LRRC3: variants seen among roughly 807,000 people sequenced by gnomAD.
LRRC3 encodes leucine rich repeat containing 3, also known as leucine-rich repeat-containing protein 3.
For missense variants in LRRC3, 351 were observed against 361.6 expected (o/e 0.97, Z 0.24); for synonymous variants, 172 against 164.1 (o/e 1.05, Z -0.37).
In LRRC3 at chr21:44,457,086, C is replaced by T; in HGVS notation, c.442C>T (p.His148Tyr). 6.2e-7 allele frequency: 1 copy of T among 1,610,292 alleles called. No individual in the cohort carries two copies. Among genetic ancestry groups the T allele is most frequent in the Non-Finnish European group, 8.5e-7 (1 of 1,179,946 alleles). ...AKIRLSHNPL[H>Y]CECALQEALW... ...GATACGCCTGTCCCACAACCCCCTG[C>T]ACTGCGAGTGCGCCCTGCAGGAGGC... is the stretch of plus-strand genomic sequence containing the variant. The change falls in exon 2 of 2, where the codon CAC (histidine) becomes TAC (tyrosine). Residue 148 changes from histidine (H) to tyrosine (Y), a missense_variant. Physicochemically the swap from His to Tyr is moderately conservative, Grantham distance 83. Transcript: ENST00000291592.
At position 44,461,855 on chromosome 21, in the gene LRRC3, C is replaced by T. The variant is rs2051748802; in HGVS notation, c.*4437C>T. The T allele has an allele frequency of 6.6e-6, 1 of 152,562 alleles. No homozygotes were observed. The highest frequency in any genetic ancestry group is 2.1e-4 in the South Asian group (1 of 4,834). 9.5% of individuals were successfully genotyped at this position (152,562 alleles called of 1,614,324 possible). A position where few individuals can be genotyped will look rare whatever the true frequency, so the allele number is the denominator to read the frequency against. On this transcript the variant is annotated 3_prime_UTR_variant, in exon 2 of 2. Coordinates refer to ENST00000291592, the MANE Select transcript of LRRC3 (RefSeq NM_030891.6). ...GTCCATGGCTGGGAGGCAGCTGGCC[C>T]CACAGCACATAGCACGGAGGGCGGC...
Position 44,455,542 on chromosome 21 carries a change from G to GCGCGGT in LRRC3, c.-257_-252dup, listed in dbSNP as rs1407469492. The GCGCGGT allele has an allele frequency of 6.6e-6, 1 of 151,640 alleles. No homozygotes were observed. The highest frequency in any genetic ancestry group is 1.5e-5 in the Non-Finnish European group (1 of 67,830). 9.4% of individuals were successfully genotyped at this position (151,640 alleles called of 1,614,324 possible). ...CGGCCTCCCCAGCTAGTGGTCGCGG[G>GCGCGGT]CGCGGTCGCAGGGGCAGCGGGGTGG... On this transcript the variant is annotated 5_prime_UTR_variant, in exon 1 of 2. Transcript: ENST00000291592.
rs960367742 is a variant in LRRC3 at position 44,455,523 on chromosome 21, C to A, written c.-280C>A. The A allele has an allele frequency of 2.0e-5, 3 of 151,572 alleles. No homozygotes were observed. The highest frequency in any genetic ancestry group is 4.8e-5 in the African/African-American group (2 of 41,328). 9.4% of individuals were successfully genotyped at this position (151,572 alleles called of 1,614,324 possible). On this transcript the variant is annotated 5_prime_UTR_variant, in exon 1 of 2. Transcript: ENST00000291592. ...CCCGCGCAGGCCGGAGTCGCGGCCT[C>A]CCCAGCTAGTGGTCGCGGGCGCGGT...
rs935412443 is a variant in LRRC3 at position 44,457,694 on chromosome 21, C to T, written c.*276C>T. 22 of 474,934 alleles carry T rather than the reference C, an allele frequency of 4.6e-5. No individual in the cohort carries two copies. Among genetic ancestry groups the T allele is most frequent in the Non-Finnish European group, 8.5e-5 (22 of 257,724 alleles). The allele number at this position is 474,934 out of a possible 1,614,324, so 29.4% of individuals were successfully genotyped here. On this transcript the variant is annotated 3_prime_UTR_variant, in exon 2 of 2. Transcript: ENST00000291592. ...CTTCAACCCGGGCTGTCCATCGTGA[C>T]ATTCCGCCTCCTTCCACCATGCCAG...
At chr21:44,456,148 G>T (rs896225179) in intron 1 of LRRC3, among the ~76,000 whole-genome samples, 1 of 152,138 alleles carries the variant, frequency 6.6e-6, no homozygotes, top group Non-Finnish European at 1.5e-5. Flanking sequence ...CCACCCTGAG[G>T]AGGGAGGGGC....
chr21:44,456,760 G>T lies in LRRC3; in HGVS notation c.116G>T (p.Cys39Phe). ...GCCGCCTGCCCACAGCCCTGCCGGT[G>T]CCCTGACCACGCAGGGGCTGTGGCT... ...LGAACPQPCR[C>F]PDHAGAVAVF... The change falls in exon 2 of 2, where the codon TGC (cysteine) becomes TTC (phenylalanine). Residue 39 changes from cysteine to phenylalanine, a missense_variant. Coordinates refer to ENST00000291592, the MANE Select transcript of LRRC3 (RefSeq NM_030891.6). 6.2e-7 allele frequency: 1 copy of T among 1,610,470 alleles called. No homozygotes were observed. Among genetic ancestry groups the T allele is most frequent in the Non-Finnish European group, 8.5e-7 (1 of 1,179,886 alleles).
chr21:44,456,462 C>T (rs2051700439), intron 1 of LRRC3, 36 bp from the exon 2 acceptor site: 2 of 658,392 alleles, frequency 3.0e-6, no homozygotes, highest in East Asian at 5.6e-5. Context: ...ACCACCCTCC[C>T]TCCCTCTCCG....
chr21:44,455,830 C>T (rs2051694821), intron 1 of LRRC3, among the ~76,000 whole-genome samples, 175 bp downstream of exon 1: 1 of 151,948 alleles, frequency 6.6e-6, no homozygotes, highest in Non-Finnish European at 1.5e-5. Flanking sequence ...CGCGCGCGGC[C>T]CCGCCGTCCA....
In LRRC3 at chr21:44,457,386, G is replaced by C. The variant is rs75162911; in HGVS notation, c.742G>C (p.Ala248Pro). The C allele has an allele frequency of 8.1e-6, 13 of 1,600,216 alleles. No individual in the cohort carries two copies. In the African/African-American group the frequency reaches 1.6e-4, roughly 20 times the overall value. Residue 248 changes from alanine (A) to proline (P), a missense_variant, in exon 2 of 2, where the codon GCC becomes CCC. Physicochemically the swap from Ala to Pro is conservative, Grantham distance 27. Coordinates refer to ENST00000291592, the MANE Select transcript of LRRC3 (RefSeq NM_030891.6). ...CCTGAAGTCTCTGCCCAGCGCCCCC[G>C]CCTCCAAGGACCCCATCGGCCCGGG... ...EYLKSLPSAP[A>P]SKDPIGPGP
chr21:44,456,960 G>A lies in LRRC3; in HGVS notation c.316G>A (p.Ala106Thr), dbSNP rs1311137301. 7 of 1,608,074 alleles carry A rather than the reference G, an allele frequency of 4.4e-6. No individual in the cohort carries two copies. The East Asian group carries it at 1.1e-4, about 26-fold the overall frequency. ...CAACGCCATCGAGGCCATCGGCTCC[G>A]CCACCTTCGCGGGCCTGGCCGGGGG... is the stretch of plus-strand genomic sequence containing the variant. ...SHNAIEAIGS[A>T]TFAGLAGGLR... The change falls in exon 2 of 2, where the codon GCC (alanine) becomes ACC (threonine). Residue 106 changes from alanine (A) to threonine (T), a missense_variant. Coordinates refer to ENST00000291592, the MANE Select transcript of LRRC3 (RefSeq NM_030891.6).
At position 44,456,585 on chromosome 21, in the gene LRRC3, C is replaced by G; in HGVS notation, c.-60C>G. The G allele has an allele frequency of 6.6e-7, 1 of 1,506,804 alleles. No homozygotes were observed. The highest frequency in any genetic ancestry group is 2.3e-5 in the East Asian group (1 of 43,922). The allele number at this position is 1,506,804 out of a possible 1,614,324, so 93.3% of individuals were successfully genotyped here. On this transcript the variant is annotated 5_prime_UTR_variant, in exon 2 of 2. Coordinates refer to ENST00000291592, the MANE Select transcript of LRRC3 (RefSeq NM_030891.6). ...TGGATAAGGCCTTGCCTGCGGAAAC[C>G]AGCTCCATCCCCAGGCCCTAGCAGA... is the stretch of plus-strand genomic sequence containing the variant.
Position 44,457,030 on chromosome 21 carries a change from C to A in LRRC3, c.386C>A (p.Pro129His). The change falls in exon 2 of 2, where the codon CCC becomes CAC. Residue 129 changes from proline to histidine, a missense_variant. Physicochemically the swap from Pro to His is moderately conservative, Grantham distance 77. Coordinates refer to ENST00000291592, the MANE Select transcript of LRRC3 (RefSeq NM_030891.6). ...DLSYNRIQRI[P>H]KDALGKLSAK... ...TCTTACAACCGCATCCAGAGGATCCCCAAGGACGCCCTGGGCAAACTCAGC... is the reference window on the plus strand; with the variant it reads ...TCTTACAACCGCATCCAGAGGATCCACAAGGACGCCCTGGGCAAACTCAGC... The A allele has an allele frequency of 6.2e-7, 1 of 1,605,808 alleles. No individual in the cohort carries two copies. The highest frequency in any genetic ancestry group is 1.3e-5 in the African/African-American group (1 of 75,052).
In LRRC3 at chr21:44,457,689, C is replaced by T. The variant is rs901464451; in HGVS notation, c.*271C>T. The stretch of plus-strand genomic sequence containing the variant: ...TGGAACTTCAACCCGGGCTGTCCAT[C>T]GTGACATTCCGCCTCCTTCCACCAT... On this transcript the variant is annotated 3_prime_UTR_variant, in exon 2 of 2. Coordinates refer to ENST00000291592, the MANE Select transcript of LRRC3 (RefSeq NM_030891.6). 5.0e-5 allele frequency: 24 copies of T among 484,830 alleles called. No homozygotes were observed. The highest frequency in any genetic ancestry group is 1.6e-4 in the African/African-American group (8 of 50,448). 30.0% of individuals were successfully genotyped at this position (484,830 alleles called of 1,614,324 possible).
rs2051707122 is a variant in LRRC3, at chr21:44,456,939, G to A, written c.295G>A (p.Ala99Thr). Reference protein sequence around the residue: ...RLRELDLSHNAIEAIGSATFA... With the variant: ...RLRELDLSHNTIEAIGSATFA... ...CAGGGAGCTGGATCTGTCTCACAAC[G>A]CCATCGAGGCCATCGGCTCCGCCAC... The change falls in exon 2 of 2, where the codon GCC becomes ACC. Residue 99 changes from alanine (A) to threonine (T), a missense_variant. Ala to Thr is a moderately conservative substitution (Grantham distance 58). Coordinates refer to ENST00000291592, the MANE Select transcript of LRRC3 (RefSeq NM_030891.6). The A allele has an allele frequency of 1.9e-6, 3 of 1,609,276 alleles. No homozygotes were observed. The highest frequency in any genetic ancestry group is 2.2e-5 in the East Asian group (1 of 44,876).
rs908162822 is a variant in LRRC3 at position 44,456,964 on chromosome 21, C to A, written c.320C>A (p.Thr107Asn). Residue 107 changes from threonine to asparagine, a missense_variant, in exon 2 of 2, where the codon ACC becomes AAC. Thr to Asn is a moderately conservative substitution (Grantham distance 65). Coordinates refer to ENST00000291592, the MANE Select transcript of LRRC3 (RefSeq NM_030891.6). Reference protein sequence around the residue: ...HNAIEAIGSATFAGLAGGLRL... With the variant: ...HNAIEAIGSANFAGLAGGLRL... ...GCCATCGAGGCCATCGGCTCCGCCA[C>A]CTTCGCGGGCCTGGCCGGGGGCCTG... The A allele has an allele frequency of 3.1e-6, 5 of 1,607,948 alleles. No homozygotes were observed. The highest frequency in any genetic ancestry group is 4.2e-6 in the Non-Finnish European group (5 of 1,179,898).
chr21:44,457,392 A>G lies in LRRC3; in HGVS notation c.748A>G (p.Lys250Glu). 1 of 1,597,800 alleles carries G rather than the reference A, an allele frequency of 6.3e-7. No individual in the cohort carries two copies. The highest frequency in any genetic ancestry group is 8.6e-7 in the Non-Finnish European group (1 of 1,168,398). The change falls in exon 2 of 2, where the codon AAG (lysine) becomes GAG (glutamate). Residue 250 changes from lysine (K) to glutamate (E), a missense_variant. Coordinates refer to ENST00000291592, the MANE Select transcript of LRRC3 (RefSeq NM_030891.6). Reference protein sequence around the residue: ...LKSLPSAPASKDPIGPGP With the variant: ...LKSLPSAPASEDPIGPGP ...GTCTCTGCCCAGCGCCCCCGCCTCC[A>G]AGGACCCCATCGGCCCGGGGCCCTA...
Position 44,457,505 on chromosome 21 carries a change from A to T in LRRC3, c.*87A>T. 1 of 1,416,632 alleles carries T rather than the reference A, an allele frequency of 7.1e-7. No individual in the cohort carries two copies. The highest frequency in any genetic ancestry group is 1.4e-5 in the African/African-American group (1 of 69,842). 87.8% of individuals were successfully genotyped at this position (1,416,632 alleles called of 1,614,324 possible). A position where few individuals can be genotyped will look rare whatever the true frequency, so the allele number is the denominator to read the frequency against. On this transcript the variant is annotated 3_prime_UTR_variant, in exon 2 of 2. Coordinates refer to ENST00000291592, the MANE Select transcript of LRRC3 (RefSeq NM_030891.6). Reference sequence around the variant, plus strand: ...TGCTGCTTTTGCTCTTCCCTGAGGCAGGTGTCACAGCCATGTGTGCTCCCC... The same window carrying T: ...TGCTGCTTTTGCTCTTCCCTGAGGCTGGTGTCACAGCCATGTGTGCTCCCC...
rs1412198700 is a variant in LRRC3 at position 44,457,390 on chromosome 21, C to T, written c.746C>T (p.Ser249Phe). The change falls in exon 2 of 2, where the codon TCC (serine) becomes TTC (phenylalanine). Residue 249 changes from serine to phenylalanine, a missense_variant. Ser to Phe is a radical substitution (Grantham distance 155). Transcript: ENST00000291592. ...AAGTCTCTGCCCAGCGCCCCCGCCT[C>T]CAAGGACCCCATCGGCCCGGGGCCC... ...YLKSLPSAPA[S>F]KDPIGPGP 3.1e-6 allele frequency: 5 copies of T among 1,597,966 alleles called. No individual in the cohort carries two copies. The highest frequency in any genetic ancestry group is 4.3e-6 in the Non-Finnish European group (5 of 1,168,594).
Position 44,457,412 on chromosome 21 carries a change from G to A in LRRC3, c.768G>A (p.Gly256=), listed in dbSNP as rs1401744076. 6.4e-7 allele frequency: 1 copy of A among 1,567,184 alleles called. No individual in the cohort carries two copies. The highest frequency in any genetic ancestry group is 2.3e-5 in the East Asian group (1 of 44,202). The change falls in exon 2 of 2, where the codon GGG becomes GGA. Residue 256 remains glycine, a synonymous_variant. Coordinates refer to ENST00000291592, the MANE Select transcript of LRRC3 (RefSeq NM_030891.6). The stretch of plus-strand genomic sequence containing the variant: ...CCTCCAAGGACCCCATCGGCCCGGG[G>A]CCCTAGCGCCTGTTCCGGCAGACCC... The part of the protein sequence containing the change: ...APASKDPIGP[G]P
Sources: gnomAD v4.1 joint callset for allele counts (sites outside exome capture counted in the v4.1 genomes callset) on GRCh38, gnomAD v4.1.1 for gene constraint, MANE v1.5 for transcripts, NCBI Gene and HGNC (gene_info 2026-07-23, HGNC 2026-07-21) for gene names.